The following PPP3CA variants were observed in gnomAD, a reference collection of about 807,000 sequenced individuals.
PPP3CA encodes the protein protein phosphatase 3 catalytic subunit alpha, also known as CAM-PRP catalytic subunit.
In PPP3CA, 14 loss-of-function variants were observed where a neutral mutation model predicts 66.5. The observed-to-expected ratio is 0.21, with a 90% CI of 0.14 to 0.33. The LOEUF (loss-of-function observed/expected upper bound fraction) is 0.33. Among genes scored for constraint, PPP3CA ranks in the 10% least tolerant of loss-of-function variants. The pLI, the probability that PPP3CA is intolerant of heterozygous loss-of-function variation, is 1.00. For missense variants in PPP3CA, 317 were observed against 639.5 expected (o/e 0.50, Z 5.44); for synonymous variants, 232 against 226.2 (o/e 1.03, Z -0.23).
intron 1 of PPP3CA, among the ~76,000 whole-genome samples, chr4:101,210,584 C>CT (rs1273185723): frequency 6.6e-6 from 1 of 152,104 alleles, no homozygotes; most frequent in African/African-American, 2.4e-5. Flanking sequence ...GTTTTACCTC[C>CT]TTGGCCACAC....
intron 7 of PPP3CA, among the ~76,000 whole-genome samples, chr4:101,081,131 C>T (rs557279649): frequency 1.4e-4 from 22 of 152,002 alleles, no homozygotes; most frequent in African/African-American, 5.1e-4. Context: ...GAAGAATGTC[C>T]CCTTAAATTT....
At chr4:101,325,638 T>C (rs1255543004) in intron 1 of PPP3CA, among the ~76,000 whole-genome samples, 1 of 152,194 alleles carries the variant, frequency 6.6e-6, no homozygotes, top group Non-Finnish European at 1.5e-5. Context: ...GATCTTTTTT[T>C]AACAAATGAG....
intron 1 of PPP3CA, among the ~76,000 whole-genome samples, chr4:101,245,672 G>A (rs1471899278): frequency 6.6e-6 from 1 of 151,630 alleles, no homozygotes; most frequent in African/African-American, 2.4e-5. Flanking sequence ...TCCTATATTG[G>A]TTCCATCAAT....
intron 11 of PPP3CA, among the ~76,000 whole-genome samples, chr4:101,033,601 C>T (rs184448814): frequency 2.6e-5 from 4 of 152,328 alleles, no homozygotes; most frequent in African/African-American, 9.6e-5. Flanking sequence ...CACAAGGCTA[C>T]TACTGCATCT....
chr4:101,227,660 C>T (rs2851009), intron 1 of PPP3CA, among the ~76,000 whole-genome samples: 16,873 of 151,440 alleles, frequency 0.11, 1,354 homozygotes, highest in East Asian at 0.31. Flanking sequence ...CAGATTATGT[C>T]GTCATCCAGG....
At chr4:101,275,860 GGT>G (rs1491119481) in intron 1 of PPP3CA, among the ~76,000 whole-genome samples, 9 of 133,414 alleles carry the variant, frequency 6.7e-5, no homozygotes, top group African/African-American at 2.8e-4. Context: ...GTGTATGTGT[GGT>G]TTTTTTTTTG....
intron 10 of PPP3CA, among the ~76,000 whole-genome samples, chr4:101,053,046 G>T (rs1475186053): frequency 6.6e-6 from 1 of 151,944 alleles, no homozygotes; most frequent in African/African-American, 2.4e-5. Context: ...ATCAATGAAG[G>T]CAGGGACCAT....
chr4:101,208,383 C>G (rs1725200680), intron 1 of PPP3CA, among the ~76,000 whole-genome samples: 1 of 152,166 alleles, frequency 6.6e-6, no homozygotes, highest in South Asian at 2.1e-4. Context: ...CGCAGTTCCA[C>G]ACCTAGAGCA....
At chr4:101,275,990 T>C (rs1364096029) in intron 1 of PPP3CA, among the ~76,000 whole-genome samples, 1 of 151,774 alleles carries the variant, frequency 6.6e-6, no homozygotes, top group Admixed American at 6.6e-5. Context: ...GAACTCGAGA[T>C]CCCAAGAAAT....
intron 1 of PPP3CA, among the ~76,000 whole-genome samples, chr4:101,201,424 A>G (rs1724963882): frequency 6.6e-6 from 1 of 152,248 alleles, no homozygotes; most frequent in Non-Finnish European, 1.5e-5. Context: ...GGTTTAGGGT[A>G]GGGCCAGGGC....
chr4:101,330,443 A>G (rs770190175), intron 1 of PPP3CA: 6 of 533,608 alleles, frequency 1.1e-5, no homozygotes, highest in Non-Finnish European at 2.3e-5. Flanking sequence ...ATAAAGCAAC[A>G]GCCACCCCAA....
At chr4:101,122,969 A>G (rs1722077428) in intron 2 of PPP3CA, among the ~76,000 whole-genome samples, 1 of 152,202 alleles carries the variant, frequency 6.6e-6, no homozygotes, top group Non-Finnish European at 1.5e-5. Context: ...AAAAGGGGCC[A>G]AACAGAACAT....
At position 101,035,465 on chromosome 4, in the gene PPP3CA, G is replaced by A. The variant is rs2850605; in HGVS notation, c.1242-3101C>T. 2.6e-5 allele frequency among the ~76,000 whole-genome samples: 4 copies of A among 152,132 alleles called. No individual in the cohort carries two copies. The East Asian group carries it at 7.7e-4, about 29-fold the overall frequency. On this transcript the variant is annotated intron_variant, in intron 11 of 13. Transcript: ENST00000394854. ...ACCAACAGTAGGAAGATCTTTTTGG[G>A]AAATCACATCTTTGTGGGGGTCACA...
At chr4:101,106,510 AAG>A (rs1454760312) in intron 3 of PPP3CA, among the ~76,000 whole-genome samples, 2 of 148,980 alleles carry the variant, frequency 1.3e-5, no homozygotes, top group East Asian at 3.9e-4. Context: ...GAAAGAAAGA[AAG>A]AAAAAGAAAG....
At chr4:101,033,488 A>G (rs1315055191) in intron 11 of PPP3CA, among the ~76,000 whole-genome samples, 1 of 152,166 alleles carries the variant, frequency 6.6e-6, no homozygotes, top group Non-Finnish European at 1.5e-5. Flanking sequence ...GTTACTTAAG[A>G]GTAAGGGATC....
At chr4:101,313,280 G>C (rs1216894186) in intron 1 of PPP3CA, among the ~76,000 whole-genome samples, 1 of 152,054 alleles carries the variant, frequency 6.6e-6, no homozygotes, top group Non-Finnish European at 1.5e-5. Context: ...TCCTACCTCA[G>C]CATCCCAAAG....
chr4:101,051,912 GA>G (rs1728028738), intron 10 of PPP3CA, among the ~76,000 whole-genome samples: 1 of 152,006 alleles, frequency 6.6e-6, no homozygotes, highest in Non-Finnish European at 1.5e-5. Context: ...ACTGCATGTT[GA>G]AATACAGTGT....
At chr4:101,287,028 GAA>G (rs551164296) in intron 1 of PPP3CA, among the ~76,000 whole-genome samples, 1 of 126,964 alleles carries the variant, frequency 7.9e-6, no homozygotes. Context: ...TTGCACAACA[GAA>G]AAAAAAAAAA....
chr4:101,113,199 T>C (rs1326279120), intron 2 of PPP3CA, among the ~76,000 whole-genome samples: 1 of 152,116 alleles, frequency 6.6e-6, no homozygotes. Flanking sequence ...CCCACCTAAC[T>C]CTACATCAGA....
Sources: allele counts gnomAD v4.1 joint callset (sites outside exome capture counted in the v4.1 genomes callset), GRCh38; gene constraint gnomAD v4.1.1; transcripts MANE v1.5; gene names NCBI Gene and HGNC (gene_info 2026-07-23, HGNC 2026-07-21).